CPLANE1: variants seen among roughly 807,000 people sequenced by gnomAD.
The protein encoded by CPLANE1 is ciliogenesis and planar polarity effector complex subunit 1.
In CPLANE1, 263 loss-of-function variants were observed where a neutral mutation model predicts 362.5. The observed-to-expected ratio is 0.73, with a 90% CI of 0.66 to 0.80. The LOEUF is 0.80. CPLANE1 is among the 30% of genes least tolerant of loss of function. CPLANE1 has a pLI of 0.00. For missense variants in CPLANE1, 3,461 were observed against 3,793.4 expected (o/e 0.91, Z 2.30); for synonymous variants, 1,212 against 1,302.6 (o/e 0.93, Z 1.50).
chr5:37,101,733 G>T (rs890137764), downstream of CPLANE1, among the ~76,000 whole-genome samples: 8 of 152,068 alleles, frequency 5.3e-5, no homozygotes, highest in Non-Finnish European at 1.5e-5. Context: ...CTGGTCCTGG[G>T]CTTATTTTGG....
intron 21 of CPLANE1, among the ~76,000 whole-genome samples, chr5:37,194,984 C>G (rs1370942823): frequency 1.3e-5 from 2 of 151,654 alleles, no homozygotes; most frequent in African/African-American, 2.4e-5. Flanking sequence ...AACCCCGTCT[C>G]TACTAAAAAA....
chr5:37,193,430 G>T (rs1201885344), intron 21 of CPLANE1, among the ~76,000 whole-genome samples: 3 of 152,116 alleles, frequency 2.0e-5, no homozygotes, highest in Non-Finnish European at 2.9e-5. Flanking sequence ...TGAGGCAGGC[G>T]GATTACCTGA....
chr5:37,113,419 CTG>C (rs1264156893), intron 51 of CPLANE1, among the ~76,000 whole-genome samples: 2 of 152,222 alleles, frequency 1.3e-5, no homozygotes, highest in African/African-American at 4.8e-5. Flanking sequence ...CCATGTGAAA[CTG>C]TGAGTCCATT....
At chr5:37,212,004 G>GA in intron 16 of CPLANE1, 4 of 979,624 alleles carry the variant, frequency 4.1e-6, no homozygotes, top group Non-Finnish European at 6.7e-6. Flanking sequence ...AAAGGAAGAA[G>GA]AAAAAATATG....
At chr5:37,124,962 A>C in intron 47 of CPLANE1, 1 of 1,150,186 alleles carries the variant, frequency 8.7e-7, no homozygotes. Context: ...CCAATTGGTC[A>C]CCCAATCACT....
chr5:37,087,993 A>G, the CPLANE1 span, among the ~76,000 whole-genome samples: 1 of 152,324 alleles, frequency 6.6e-6, no homozygotes, highest in South Asian at 2.1e-4. Flanking sequence ...CGGCCAAGAC[A>G]TAACAGCTGA....
chr5:37,243,000 A>G lies in CPLANE1; in HGVS notation c.677+13T>C. On this transcript the variant is annotated intron_variant, in intron 6 of 52. Coordinates refer to ENST00000651892, the MANE Select transcript of CPLANE1 (RefSeq NM_001384732.1). The stretch of plus-strand genomic sequence containing the variant: ...AATCAGTAAGAAAAGGAAGAAGAAA[A>G]CATTTACCTCACCTTACAGATGTAA... 1.3e-6 allele frequency: 2 copies of G among 1,500,026 alleles called. No homozygotes were observed. The highest frequency in any genetic ancestry group is 1.3e-5 in the South Asian group (1 of 78,790). The allele number at this position is 1,500,026 out of a possible 1,614,324, so 92.9% of individuals were successfully genotyped here.
At chr5:37,087,366 C>T in the CPLANE1 span, among the ~76,000 whole-genome samples, 1 of 152,212 alleles carries the variant, frequency 6.6e-6, no homozygotes, top group Admixed American at 6.5e-5. Context: ...CCCTCAGCCC[C>T]ACCATCACCG....
chr5:37,212,363 A>G, intron 16 of CPLANE1: 1 of 833,436 alleles, frequency 1.2e-6, no homozygotes, highest in South Asian at 1.3e-5. Flanking sequence ...CTCATGAAGA[A>G]CCAGATGACT....
intron 2 of CPLANE1, 103 bp downstream of exon 2, chr5:37,247,515 T>A (rs1016751498): frequency 4.2e-6 from 4 of 962,306 alleles, no homozygotes; most frequent in Non-Finnish European, 4.5e-6. Flanking sequence ...CTCCAGTAGA[T>A]GATGTTTTAT....
At chr5:37,239,617 AATGGATAT>A in intron 7 of CPLANE1, 88 bp downstream of exon 7, 2 of 865,274 alleles carry the variant, frequency 2.3e-6, no homozygotes, top group South Asian at 9.2e-5. Flanking sequence ...AGAAAAAAAA[AATGGATAT>A]AAAGGAGTAT....
At position 37,125,317 on chromosome 5, in the gene CPLANE1, A is replaced by G. The variant is rs753301470; in HGVS notation, c.8885T>C (p.Met2962Thr). 12 of 1,613,890 alleles carry G rather than the reference A, an allele frequency of 7.4e-6. No homozygotes were observed. The East Asian group carries it at 2.7e-4, about 36-fold the overall frequency. Residue 2962 changes from methionine to threonine, a missense_variant, in exon 47 of 53, where the codon ATG becomes ACG. Transcript: ENST00000651892. Reference protein sequence around the residue: ...AWMKRKRKERMAKYLNELAEK... With the variant: ...AWMKRKRKERTAKYLNELAEK... ...TGCCAGCTCATTTAAGTACTTTGCC[A>G]TTCTTTCTTTTCGTTTTCTTTTCAT...
chr5:37,202,878 T>C (rs778594261), intron 18 of CPLANE1, among the ~76,000 whole-genome samples: 3 of 151,672 alleles, frequency 2.0e-5, no homozygotes, highest in Non-Finnish European at 4.4e-5. Context: ...TAACTTCTCT[T>C]TCATATTTTT....
At chr5:37,216,525 G>A (rs928516988) in intron 15 of CPLANE1, among the ~76,000 whole-genome samples, 8 of 152,208 alleles carry the variant, frequency 5.3e-5, no homozygotes. Context: ...CTCCAGCCTA[G>A]GTGACAGAGT....
At chr5:37,199,346 G>A (rs1788507725) in intron 19 of CPLANE1, among the ~76,000 whole-genome samples, 1 of 152,128 alleles carries the variant, frequency 6.6e-6, no homozygotes, top group South Asian at 2.1e-4. Context: ...GTTACAGAGA[G>A]GTCCATCTAA....
At position 37,215,774 on chromosome 5, in the gene CPLANE1, G is replaced by A. The variant is rs112283297; in HGVS notation, c.2747-2042C>T. Among the ~76,000 whole-genome samples the A allele has an allele frequency of 7.5e-3, 931 of 124,090 alleles. 16 individuals are homozygous for A. The highest frequency in any genetic ancestry group is 0.027 in the African/African-American group (879 of 32,322). 81.4% of individuals were successfully genotyped at this position (124,090 alleles called of 152,430 possible). A position where few individuals can be genotyped will look rare whatever the true frequency, so the allele number is the denominator to read the frequency against. On this transcript the variant is annotated intron_variant, in intron 15 of 52. Coordinates refer to ENST00000651892, the MANE Select transcript of CPLANE1 (RefSeq NM_001384732.1). Reference sequence around the variant, plus strand: ...TTTTTTTTTTTTTTTGAAGATAAACGGGGCAGGGCTTACTACAAAAATAAT... The same window carrying A: ...TTTTTTTTTTTTTTTGAAGATAAACAGGGCAGGGCTTACTACAAAAATAAT...
Position 37,138,849 on chromosome 5 carries a change from C to A in CPLANE1, c.8664-1G>T. ...CATCTGGAGCGGATGTACTGAAACA[C>A]TTCATTTGCAAATGTAATTTAAGAA... On this transcript the variant is annotated splice_acceptor_variant, in intron 45 of 52. Transcript: ENST00000651892. LOFTEE classifies it high-confidence loss of function. 1 of 1,596,464 alleles carries A rather than the reference C, an allele frequency of 6.3e-7. No homozygotes were observed. Among genetic ancestry groups the A allele is most frequent in the South Asian group, 1.2e-5 (1 of 86,726 alleles).
chr5:37,083,633 T>A, the CPLANE1 span, among the ~76,000 whole-genome samples: 1 of 152,190 alleles, frequency 6.6e-6, no homozygotes, highest in Non-Finnish European at 1.5e-5. Context: ...TGCAAAATGC[T>A]CTGGAAAGTC....
At position 37,245,478 on chromosome 5, in the gene CPLANE1, C is replaced by G. The variant is rs1426666027; in HGVS notation, c.337+1G>C. On this transcript the variant is annotated splice_donor_variant, in intron 4 of 52. Transcript: ENST00000651892. LOFTEE classifies it high-confidence loss of function. ...ACTTAAACAAATAAAAAAATTCCCA[C>G]CGACTGTAGCTTTGATCATTTCCTT... 2.1e-6 allele frequency: 3 copies of G among 1,444,288 alleles called. No homozygotes were observed. Among genetic ancestry groups the G allele is most frequent in the Non-Finnish European group, 2.7e-6 (3 of 1,094,332 alleles). 89.5% of individuals were successfully genotyped at this position (1,444,288 alleles called of 1,614,324 possible). A position where few individuals can be genotyped will look rare whatever the true frequency, so the allele number is the denominator to read the frequency against.
Sources: allele counts gnomAD v4.1 joint callset (sites outside exome capture counted in the v4.1 genomes callset), GRCh38; gene constraint gnomAD v4.1.1; transcripts MANE v1.5; gene names NCBI Gene and HGNC (gene_info 2026-07-23, HGNC 2026-07-21).